The following ROR1 variants were observed in gnomAD, a reference collection of about 807,000 sequenced individuals.
The protein encoded by ROR1 is inactive tyrosine-protein kinase transmembrane receptor ROR1.
A neutral mutation model predicts 78.8 loss-of-function variants in ROR1; 19 were observed. That is an observed-to-expected ratio of 0.24 (90% CI 0.17 to 0.35). The LOEUF (loss-of-function observed/expected upper bound fraction) is 0.35, where lower values mean the gene tolerates loss of function less well. ROR1 is among the 10% of genes least tolerant of loss of function. The pLI, the probability that ROR1 is intolerant of heterozygous loss-of-function variation, is 1.00. For missense variants in ROR1, 917 were observed against 1,177.8 expected, an observed-to-expected ratio of 0.78 and a Z score of 3.24; for synonymous variants, 386 against 433.6, an observed-to-expected ratio of 0.89 and a Z score of 1.36.
intron 4 of ROR1, among the ~76,000 whole-genome samples, chr1:64,096,177 A>G (rs918128763): frequency 2.6e-5 from 4 of 152,160 alleles, no homozygotes; most frequent in Non-Finnish European, 5.9e-5. Flanking sequence ...GCAAAATTAT[A>G]CATTGCTTGA....
intron 1 of ROR1, among the ~76,000 whole-genome samples, chr1:63,981,590 C>T (rs1646210556): frequency 6.6e-6 from 1 of 152,156 alleles, no homozygotes; most frequent in Non-Finnish European, 1.5e-5. Flanking sequence ...TCCTGCCAGA[C>T]TGCAGTGAGT....
rs564067012 is a variant in ROR1, at chr1:63,959,705, G to T, written c.92-49600G>T. ...CAGTTAGACAGCCGGCTTGCTACCC[G>T]AATCAACATGAGCTAAGGAGCTAGG... is the stretch of plus-strand genomic sequence containing the variant. On this transcript the variant is annotated intron_variant, in intron 1 of 8. Transcript: ENST00000371079. 2.6e-5 allele frequency among the ~76,000 whole-genome samples: 4 copies of T among 152,274 alleles called. No individual in the cohort carries two copies. The South Asian group carries it at 8.3e-4, about 32-fold the overall frequency.
intron 1 of ROR1, among the ~76,000 whole-genome samples, chr1:63,779,564 A>C (rs1644638591): frequency 6.6e-6 from 1 of 152,152 alleles, no homozygotes; most frequent in Non-Finnish European, 1.5e-5. Context: ...CCTTAACTAA[A>C]TGCAGCTGCT....
intron 1 of ROR1, among the ~76,000 whole-genome samples, chr1:63,866,351 G>A (rs1479212629): frequency 6.6e-6 from 1 of 152,182 alleles, no homozygotes; most frequent in Non-Finnish European, 1.5e-5. Flanking sequence ...GGTAATCCAA[G>A]TATCAAACAT....
Position 64,179,026 on chromosome 1 carries a change from A to T in ROR1, c.*171A>T, listed in dbSNP as rs1476358941. On this transcript the variant is annotated 3_prime_UTR_variant, in exon 9 of 9. Coordinates refer to ENST00000371079, the MANE Select transcript of ROR1 (RefSeq NM_005012.4). Reference sequence around the variant, plus strand: ...CAAGCAGGACAGACACTCGGCCAGAAAAAAAAAAAAAAAAAAAAAACAAGC... The same window carrying T: ...CAAGCAGGACAGACACTCGGCCAGATAAAAAAAAAAAAAAAAAAAACAAGC... The T allele has an allele frequency of 6.2e-4, 46 of 74,662 alleles. No individual in the cohort carries two copies. Among genetic ancestry groups the T allele is most frequent in the South Asian group, 2.3e-3 (14 of 6,016 alleles). 4.6% of individuals were successfully genotyped at this position (74,662 alleles called of 1,614,324 possible). A position where few individuals can be genotyped will look rare whatever the true frequency, so the allele number is the denominator to read the frequency against.
At chr1:63,828,924 C>T (rs1319219961) in intron 1 of ROR1, among the ~76,000 whole-genome samples, 2 of 152,164 alleles carry the variant, frequency 1.3e-5, no homozygotes, top group Non-Finnish European at 2.9e-5. Flanking sequence ...CAGATTATAC[C>T]ATCTCAGTGA....
chr1:64,049,488 C>A (rs1646810934), intron 2 of ROR1, among the ~76,000 whole-genome samples: 1 of 152,088 alleles, frequency 6.6e-6, no homozygotes, highest in Non-Finnish European at 1.5e-5. Flanking sequence ...GACAAATTTT[C>A]TTCCAAGCAG....
At chr1:64,154,127 C>T (rs1649704343) in intron 7 of ROR1, among the ~76,000 whole-genome samples, 1 of 152,062 alleles carries the variant, frequency 6.6e-6, no homozygotes, top group Admixed American at 6.5e-5. Flanking sequence ...GCCTATTCAG[C>T]ATTTTTTTTT....
intron 4 of ROR1, among the ~76,000 whole-genome samples, chr1:64,132,127 A>T (rs1209541756): frequency 6.6e-6 from 1 of 152,154 alleles, no homozygotes; most frequent in African/African-American, 2.4e-5. Flanking sequence ...CCTATTTTAA[A>T]TATTTCATAT....
chr1:63,890,891 C>T (rs1449398339), intron 1 of ROR1, among the ~76,000 whole-genome samples: 13 of 152,200 alleles, frequency 8.5e-5, no homozygotes, highest in African/African-American at 2.4e-4. Flanking sequence ...TGAACATGCC[C>T]GTTCTCATCC....
chr1:64,031,312 T>A (rs1417834547), intron 2 of ROR1, among the ~76,000 whole-genome samples: 2 of 152,192 alleles, frequency 1.3e-5, no homozygotes, highest in South Asian at 4.1e-4. Flanking sequence ...GTAATATGCA[T>A]GAGTTGTCCA....
chr1:63,864,088 A>C (rs1645200487), intron 1 of ROR1, among the ~76,000 whole-genome samples: 1 of 152,178 alleles, frequency 6.6e-6, no homozygotes, highest in Admixed American at 6.6e-5. Flanking sequence ...AAATTCATGT[A>C]ATCTTTGCAG....
At chr1:64,160,260 G>A (rs377650126) in intron 8 of ROR1, among the ~76,000 whole-genome samples, 9 of 151,866 alleles carry the variant, frequency 5.9e-5, no homozygotes, top group Admixed American at 5.9e-4. Flanking sequence ...TAGCGTAATT[G>A]GGCTGACACA....
At chr1:63,785,718 G>T (rs1644680425) in intron 1 of ROR1, among the ~76,000 whole-genome samples, 1 of 151,466 alleles carries the variant, frequency 6.6e-6, no homozygotes, top group African/African-American at 2.4e-5. Context: ...TAGAGACAGG[G>T]TTTCACCATG....
At chr1:64,132,621 A>C (rs900573834) in intron 4 of ROR1, among the ~76,000 whole-genome samples, 7 of 151,950 alleles carry the variant, frequency 4.6e-5, no homozygotes, top group African/African-American at 7.3e-5. Context: ...TTAGCCAGGC[A>C]TGGTAGCACA....
At chr1:63,886,762 G>C (rs911749826) in intron 1 of ROR1, among the ~76,000 whole-genome samples, 10 of 151,464 alleles carry the variant, frequency 6.6e-5, no homozygotes, top group African/African-American at 2.4e-4. Flanking sequence ...TATTAGGAGA[G>C]AAAACCCTCC....
At chr1:64,126,458 G>A (rs1202871749) in intron 4 of ROR1, among the ~76,000 whole-genome samples, 2 of 152,166 alleles carry the variant, frequency 1.3e-5, no homozygotes, top group African/African-American at 4.8e-5. Context: ...AAGAATGGAG[G>A]TAGAGAGACC....
intron 1 of ROR1, among the ~76,000 whole-genome samples, chr1:63,995,349 A>T (rs1431656680): frequency 6.6e-6 from 1 of 152,130 alleles, no homozygotes; most frequent in African/African-American, 2.4e-5. Flanking sequence ...TTCTTCCCGG[A>T]TCATTGTTTG....
At chr1:63,850,242 C>T (rs895538647) in intron 1 of ROR1, among the ~76,000 whole-genome samples, 2 of 152,206 alleles carry the variant, frequency 1.3e-5, no homozygotes, top group Admixed American at 6.5e-5. Context: ...AGTTGCTGTG[C>T]AGTAAGTATG....
Sources: gnomAD v4.1 joint callset for allele counts (sites outside exome capture counted in the v4.1 genomes callset) on GRCh38, gnomAD v4.1.1 for gene constraint, MANE v1.5 for transcripts, NCBI Gene and HGNC (gene_info 2026-07-23, HGNC 2026-07-21) for gene names.